Variants in NBEA observed in about 807,000 individuals in gnomAD.
The protein encoded by NBEA is neurobeachin.
A neutral mutation model predicts 343.4 loss-of-function variants in NBEA; 44 were observed. That is an observed-to-expected ratio of 0.13 (90% CI 0.10 to 0.16). The LOEUF is 0.16. Ranked by LOEUF, NBEA falls within the 10% of genes least tolerant of loss-of-function variation. The probability of loss-of-function intolerance (pLI) is 1.00; values close to 1 mark genes in which losing one functional copy is unlikely to be tolerated. For synonymous variants in NBEA, 1,175 were observed against 1,238.7 expected (o/e 0.95, Z 1.08); for missense variants, 2,555 against 3,631.3 (o/e 0.70, Z 7.62).
chr13:35,324,262 T>G (rs1223695338), intron 36 of NBEA, among the ~76,000 whole-genome samples: 1 of 152,220 alleles, frequency 6.6e-6, no homozygotes, highest in Non-Finnish European at 1.5e-5. Flanking sequence ...GTCATAGATT[T>G]TAGCCTATGC....
chr13:35,475,245 A>G (rs1209780824), intron 41 of NBEA: 7 of 1,613,724 alleles, frequency 4.3e-6, no homozygotes, highest in Non-Finnish European at 5.1e-6. Flanking sequence ...CGTTCAGCCG[A>G]TCACCCAGGC....
intron 45 of NBEA, among the ~76,000 whole-genome samples, chr13:35,577,703 G>A (rs530193670): frequency 7.2e-5 from 11 of 151,892 alleles, no homozygotes; most frequent in Non-Finnish European, 1.5e-4. Context: ...TTTATTGCTC[G>A]CTTAAAAAGG....
rs144572039 is a variant in NBEA, at chr13:35,468,697, A to G, written c.6449-3703A>G. On this transcript the variant is annotated intron_variant, in intron 40 of 58. Coordinates refer to ENST00000379939, the MANE Select transcript of NBEA (RefSeq NM_001385012.1). ...CTCACTGCAATGAGTAATAAAACCCACTTGTTCAACTACAGATGTGTTCTT... is the reference window on the plus strand; with the variant it reads ...CTCACTGCAATGAGTAATAAAACCCGCTTGTTCAACTACAGATGTGTTCTT... Among the ~76,000 whole-genome samples, 8 of 151,732 alleles carry G rather than the reference A, an allele frequency of 5.3e-5. No homozygotes were observed. The East Asian group carries it at 1.4e-3, about 26-fold the overall frequency.
intron 12 of NBEA, 115 bp from the exon 13 acceptor site, chr13:35,110,695 A>G (rs1566300711): frequency 1.5e-6 from 1 of 670,576 alleles, no homozygotes; most frequent in East Asian, 3.2e-5. Context: ...CTCATAATAA[A>G]TGGTCATTTC....
rs563599831 is a variant in NBEA, at chr13:35,099,492, G to T, written c.1680+1087G>T. On this transcript the variant is annotated intron_variant, in intron 11 of 58. Coordinates refer to ENST00000379939, the MANE Select transcript of NBEA (RefSeq NM_001385012.1). ...TGGGATTACAGGCATGAACCACCGC[G>T]CCTGGCCTTAGACTGTATCTCGAAA... Among the ~76,000 whole-genome samples, 18 of 152,106 alleles carry T rather than the reference G, an allele frequency of 1.2e-4. 1 individual carries two copies. The highest frequency in any genetic ancestry group is 1.1e-3 in the Admixed American group (17 of 15,284).
chr13:35,623,197 G>T (rs945196440), intron 48 of NBEA, among the ~76,000 whole-genome samples: 1 of 152,100 alleles, frequency 6.6e-6, no homozygotes, highest in Non-Finnish European at 1.5e-5. Context: ...TTTTTCCAAT[G>T]TAAGTATTGT....
chr13:34,953,143 C>T (rs925623639), intron 1 of NBEA, among the ~76,000 whole-genome samples: 6 of 152,050 alleles, frequency 3.9e-5, no homozygotes, highest in Non-Finnish European at 7.4e-5. Context: ...TCATCTTGAC[C>T]TATATTGTGA....
At chr13:35,357,500 C>G (rs2040557703) in intron 38 of NBEA, among the ~76,000 whole-genome samples, 1 of 152,030 alleles carries the variant, frequency 6.6e-6, no homozygotes, top group African/African-American at 2.4e-5. Flanking sequence ...CTCTATATGT[C>G]CATGTGTTCT....
At chr13:35,253,220 G>T (rs1166379303) in intron 34 of NBEA, among the ~76,000 whole-genome samples, 1 of 152,110 alleles carries the variant, frequency 6.6e-6, no homozygotes, top group Non-Finnish European at 1.5e-5. Context: ...TCTTTTTATT[G>T]TGCTTCACTT....
intron 18 of NBEA, among the ~76,000 whole-genome samples, chr13:35,143,105 C>G (rs1233212742): frequency 6.6e-6 from 1 of 152,068 alleles, no homozygotes; most frequent in African/African-American, 2.4e-5. Flanking sequence ...GTTAAGGAAG[C>G]TTTTTATATT....
chr13:35,134,361 C>CA (rs574585049), intron 17 of NBEA, among the ~76,000 whole-genome samples: 47 of 133,414 alleles, frequency 3.5e-4, no homozygotes, highest in South Asian at 9.5e-4. Flanking sequence ...AGAAGATATA[C>CA]AAAAAAAAAA....
intron 33 of NBEA, 50 bp from the exon 34 acceptor site, chr13:35,232,442 C>T (rs1389830495): frequency 3.3e-6 from 4 of 1,195,088 alleles, no homozygotes; most frequent in Non-Finnish European, 4.7e-6. Flanking sequence ...GTTTATTTGA[C>T]ATTTTATATT....
intron 13 of NBEA, among the ~76,000 whole-genome samples, chr13:35,116,746 G>A (rs2066510854): frequency 6.6e-6 from 1 of 151,624 alleles, no homozygotes; most frequent in Admixed American, 6.6e-5. Flanking sequence ...AAAGTATTCT[G>A]TATTGTATAT....
At chr13:35,185,795 C>A (rs1304310523) in intron 30 of NBEA, 1 of 152,000 alleles carries the variant, frequency 6.6e-6, no homozygotes, top group Non-Finnish European at 1.5e-5. Context: ...TGCTATTATT[C>A]TTTATATTAT....
chr13:35,337,376 A>T (rs918053255), intron 36 of NBEA, among the ~76,000 whole-genome samples: 1 of 152,154 alleles, frequency 6.6e-6, no homozygotes, highest in Non-Finnish European at 1.5e-5. Flanking sequence ...CAGACAAACT[A>T]TATTTTAATA....
intron 38 of NBEA, among the ~76,000 whole-genome samples, chr13:35,371,474 T>C (rs1029109754): frequency 8.6e-5 from 13 of 151,830 alleles, no homozygotes; most frequent in Admixed American, 2.0e-4. Context: ...TTGTTTGTTA[T>C]GATACCTCTT....
intron 34 of NBEA, among the ~76,000 whole-genome samples, chr13:35,258,816 T>C (rs1337205655): frequency 3.9e-5 from 6 of 152,206 alleles, no homozygotes; most frequent in Non-Finnish European, 8.8e-5. Context: ...AAAAACGGTA[T>C]GTATTCAGTG....
intron 18 of NBEA, among the ~76,000 whole-genome samples, chr13:35,153,113 A>G (rs2068905695): frequency 6.7e-6 from 1 of 149,258 alleles, no homozygotes; most frequent in African/African-American, 2.5e-5. Context: ...GCTCACTGCA[A>G]GCTCCACCTC....
chr13:35,627,628 G>A (rs78171344), intron 48 of NBEA, among the ~76,000 whole-genome samples: 371 of 152,148 alleles, frequency 2.4e-3, no homozygotes, highest in African/African-American at 8.6e-3. Context: ...TAAGCTGGAG[G>A]ACTTCAGGCA....
Sources: gnomAD v4.1 joint callset for allele counts (sites outside exome capture counted in the v4.1 genomes callset) on GRCh38, gnomAD v4.1.1 for gene constraint, MANE v1.5 for transcripts, NCBI Gene and HGNC (gene_info 2026-07-23, HGNC 2026-07-21) for gene names.